The following RNLS variants were observed in gnomAD, a reference collection of about 807,000 sequenced individuals.
RNLS encodes renalase.
Under a neutral mutation model 39.8 loss-of-function variants are expected in RNLS, and 39 were observed. That is an observed-to-expected ratio of 0.98 (90% CI 0.76 to 1.28). RNLS has a LOEUF of 1.28. Among genes scored for constraint, RNLS ranks in the 50% most tolerant of loss-of-function variants. The pLI is 0.00. For missense variants in RNLS, 410 were observed against 413.3 expected (o/e 0.99, Z 0.07); for synonymous variants, 147 against 150.7 (o/e 0.98, Z 0.18).
chr10:88,196,288 A>G, the RNLS span, among the ~76,000 whole-genome samples: 1 of 152,232 alleles, frequency 6.6e-6, no homozygotes, highest in Admixed American at 6.5e-5. Flanking sequence ...GTGGTGTTTT[A>G]TTCATAGGCA....
chr10:88,548,943 A>T (rs1048587594), intron 4 of RNLS, among the ~76,000 whole-genome samples: 1 of 152,044 alleles, frequency 6.6e-6, no homozygotes, highest in Non-Finnish European at 1.5e-5. Context: ...ATACACATGG[A>T]TTTATAGCAT....
the RNLS span, among the ~76,000 whole-genome samples, chr10:88,174,611 C>A: frequency 1.3e-5 from 2 of 152,130 alleles, no homozygotes; most frequent in South Asian, 2.1e-4. Flanking sequence ...TTAAATCTCA[C>A]CCGATTATGG....
chr10:88,293,611 T>G (rs1313031647), intron 6 of RNLS, among the ~76,000 whole-genome samples: 1 of 152,170 alleles, frequency 6.6e-6, no homozygotes, highest in Non-Finnish European at 1.5e-5. Context: ...TGTTTTTGCC[T>G]TTTAAATTTT....
chr10:88,481,723 T>C (rs1002542654), intron 4 of RNLS, among the ~76,000 whole-genome samples: 3 of 152,176 alleles, frequency 2.0e-5, no homozygotes, highest in African/African-American at 7.2e-5. Flanking sequence ...GAAGTTACTA[T>C]GTGAGAAAAA....
At chr10:88,278,894 T>A (rs1397844760) in intron 6 of RNLS, among the ~76,000 whole-genome samples, 1 of 152,208 alleles carries the variant, frequency 6.6e-6, no homozygotes, top group African/African-American at 2.4e-5. Context: ...CTTACTAATA[T>A]TAGAATAAAA....
intron 4 of RNLS, among the ~76,000 whole-genome samples, chr10:88,507,151 A>G (rs1239331043): frequency 2.0e-5 from 3 of 152,188 alleles, no homozygotes; most frequent in African/African-American, 4.8e-5. Context: ...GCATGAAAGA[A>G]TAATGATACA....
At chr10:88,554,426 T>C (rs914170801) in intron 4 of RNLS, among the ~76,000 whole-genome samples, 2 of 151,400 alleles carry the variant, frequency 1.3e-5, no homozygotes, top group Admixed American at 1.3e-4. Flanking sequence ...CTGATTGCAG[T>C]TTAAACTTAT....
intron 4 of RNLS, among the ~76,000 whole-genome samples, chr10:88,539,293 T>C (rs1419045026): frequency 1.3e-5 from 2 of 152,158 alleles, no homozygotes; most frequent in African/African-American, 4.8e-5. Context: ...ACATATAGTA[T>C]GCACATATAA....
chr10:88,202,372 A>G, the RNLS span, among the ~76,000 whole-genome samples: 2 of 152,090 alleles, frequency 1.3e-5, no homozygotes, highest in African/African-American at 4.8e-5. Context: ...TGGGTGCAGC[A>G]CACCAACATG....
At chr10:88,206,219 A>C in the RNLS span, among the ~76,000 whole-genome samples, 1 of 152,180 alleles carries the variant, frequency 6.6e-6, no homozygotes, top group South Asian at 2.1e-4. Flanking sequence ...GCACATTCTG[A>C]ATGGCACTCT....
intron 6 of RNLS, chr10:88,275,081 G>A (rs1226192047): frequency 7.6e-7 from 1 of 1,320,072 alleles, no homozygotes; most frequent in East Asian, 2.3e-5. Context: ...CCAACACAAT[G>A]GCCTCTGACA....
chr10:88,204,342 T>G, the RNLS span, among the ~76,000 whole-genome samples: 1 of 152,094 alleles, frequency 6.6e-6, no homozygotes, highest in South Asian at 2.1e-4. Context: ...CCAAACAGGG[T>G]CAGACTTGCT....
At chr10:88,212,159 G>C in the RNLS span, among the ~76,000 whole-genome samples, 7 of 152,226 alleles carry the variant, frequency 4.6e-5, no homozygotes, top group South Asian at 1.0e-3. Context: ...ATAAATGGTT[G>C]CAAGACATTT....
intron 4 of RNLS, among the ~76,000 whole-genome samples, chr10:88,443,196 TC>T (rs1325898855): frequency 2.0e-5 from 3 of 152,250 alleles, no homozygotes; most frequent in African/African-American, 7.2e-5. Flanking sequence ...TTTGGGATTT[TC>T]CATAAAAATG....
chr10:88,352,586 G>A (rs1252566643), intron 5 of RNLS, among the ~76,000 whole-genome samples: 1 of 152,192 alleles, frequency 6.6e-6, no homozygotes, highest in South Asian at 2.1e-4. Context: ...TTGATGTGCT[G>A]CTGGATTTGG....
chr10:88,574,512 G>C (rs981649173), intron 3 of RNLS, among the ~76,000 whole-genome samples: 1 of 152,138 alleles, frequency 6.6e-6, no homozygotes, highest in Non-Finnish European at 1.5e-5. Flanking sequence ...GCATGCTTTA[G>C]TTGTATCTTA....
intron 4 of RNLS, among the ~76,000 whole-genome samples, chr10:88,378,703 C>G (rs563276678): frequency 3.2e-4 from 49 of 152,304 alleles, no homozygotes; most frequent in African/African-American, 1.1e-3. Context: ...AGATCATACC[C>G]TTTTTGTCCA....
At chr10:88,406,257 T>C (rs1385215995) in intron 4 of RNLS, among the ~76,000 whole-genome samples, 3 of 152,102 alleles carry the variant, frequency 2.0e-5, no homozygotes, top group Non-Finnish European at 4.4e-5. Context: ...TTCTTGTATT[T>C]GGATGTCTAG....
chr10:88,462,364 A>G (rs1439256565), intron 4 of RNLS, among the ~76,000 whole-genome samples: 2 of 152,018 alleles, frequency 1.3e-5, no homozygotes, highest in African/African-American at 4.8e-5. Context: ...AAACAATCCA[A>G]TTATACTCTT....
Sources: gnomAD v4.1 joint callset for allele counts (sites outside exome capture counted in the v4.1 genomes callset) on GRCh38, gnomAD v4.1.1 for gene constraint, MANE v1.5 for transcripts, NCBI Gene and HGNC (gene_info 2026-07-23, HGNC 2026-07-21) for gene names.